The following RBFOX1 variants were observed in gnomAD, a reference collection of about 807,000 sequenced individuals.
RBFOX1 encodes the protein RNA binding fox-1 homolog 1, also known as RNA binding protein fox-1 homolog 1.
In RBFOX1, 8 loss-of-function variants were observed where a neutral mutation model predicts 57.7. That is an observed-to-expected ratio of 0.14 (90% confidence interval 0.08 to 0.25). The LOEUF (loss-of-function observed/expected upper bound fraction) is 0.25. Ranked by LOEUF, RBFOX1 falls within the 10% of genes least tolerant of loss-of-function variation. The pLI is 1.00. For missense variants in RBFOX1, 611 were observed against 548.5 expected (o/e 1.11, Z -1.14); for synonymous variants, 326 against 222.4 (o/e 1.47, Z -4.15).
At chr16:7,553,063 C>G (rs2087088847) in intron 5 of RBFOX1, among the ~76,000 whole-genome samples, 1 of 151,652 alleles carries the variant, frequency 6.6e-6, no homozygotes, top group Non-Finnish European at 1.5e-5. Flanking sequence ...GGTATGTGCT[C>G]CTTCCTTCTT....
chr16:6,298,235 G>A (rs150951838), intron 1 of RBFOX1, among the ~76,000 whole-genome samples: 40 of 152,290 alleles, frequency 2.6e-4, no homozygotes, highest in African/African-American at 8.9e-4. Context: ...CATGTCCTGC[G>A]AGGGGGTCAG....
chr16:6,237,741 A>AAAAAT (rs1260346898), intron 1 of RBFOX1, among the ~76,000 whole-genome samples: 4 of 152,098 alleles, frequency 2.6e-5, no homozygotes, highest in Non-Finnish European at 4.4e-5. Context: ...ACTCCATCTC[A>AAAAAT]AAAATAAAAC....
chr16:6,424,752 T>C (rs1055031699), intron 2 of RBFOX1, among the ~76,000 whole-genome samples: 1 of 152,140 alleles, frequency 6.6e-6, no homozygotes, highest in Admixed American at 6.5e-5. Flanking sequence ...TGGAAAGACA[T>C]GTAATAATTC....
chr16:6,881,408 G>T (rs139629225), intron 3 of RBFOX1, among the ~76,000 whole-genome samples: 77 of 152,278 alleles, frequency 5.1e-4, no homozygotes, highest in African/African-American at 1.8e-3. Flanking sequence ...CAGAATGAAG[G>T]TGTTGGCAAG....
At chr16:5,680,935 C>T (rs1016065444) in intron 3 of RBFOX1, among the ~76,000 whole-genome samples, 15 of 151,808 alleles carry the variant, frequency 9.9e-5, no homozygotes, top group Admixed American at 2.6e-4. Context: ...GGCAGGGGTG[C>T]AGCAGCTATA....
chr16:6,895,444 GTGTGTATATATATATATATATATA>G (rs1457622539), intron 3 of RBFOX1, among the ~76,000 whole-genome samples: 1 of 73,474 alleles, frequency 1.4e-5, no homozygotes, highest in African/African-American at 6.2e-5. Context: ...GTGTGTGTGT[GTGTGTATATATATATATATATATA>G]TATATATATA....
chr16:6,888,956 G>A (rs1446976840), intron 3 of RBFOX1, among the ~76,000 whole-genome samples: 1 of 152,120 alleles, frequency 6.6e-6, no homozygotes, highest in African/African-American at 2.4e-5. Flanking sequence ...CTTACTGTAG[G>A]TATGGGCAGA....
chr16:5,358,236 G>A (rs1260056039), intron 1 of RBFOX1, among the ~76,000 whole-genome samples: 1 of 151,956 alleles, frequency 6.6e-6, no homozygotes, highest in Non-Finnish European at 1.5e-5. Flanking sequence ...CCCTGTGTGA[G>A]TGTCTGTGTC....
intron 1 of RBFOX1, among the ~76,000 whole-genome samples, chr16:6,284,587 T>A (rs2076712143): frequency 6.6e-6 from 1 of 152,212 alleles, no homozygotes; most frequent in South Asian, 2.1e-4. Flanking sequence ...TTTATAGCTT[T>A]AAATACGGTG....
intron 3 of RBFOX1, 34 bp from the exon 4 acceptor site, chr16:7,052,023 C>T: frequency 6.4e-7 from 1 of 1,566,010 alleles, no homozygotes; most frequent in Non-Finnish European, 8.7e-7. Flanking sequence ...CCGGAGCCTT[C>T]TGACTTTTCC....
In RBFOX1 at chr16:7,401,545, C is replaced by G. The variant is rs574984358; in HGVS notation, c.28-116602C>G. Among the ~76,000 whole-genome samples, 6 of 152,236 alleles carry G rather than the reference C, an allele frequency of 3.9e-5. No homozygotes were observed. The East Asian group carries it at 1.2e-3, about 29-fold the overall frequency. ...AATAAAAAGATAGAAAAATAGTTAA[C>G]AATGCAAGCCTCTGGGCAGAAGAAA... is the stretch of plus-strand genomic sequence containing the variant. On this transcript the variant is annotated intron_variant, in intron 4 of 15. Transcript: ENST00000550418.
chr16:6,908,077 T>A (rs2070539655), intron 3 of RBFOX1, among the ~76,000 whole-genome samples: 1 of 151,794 alleles, frequency 6.6e-6, no homozygotes, highest in Non-Finnish European at 1.5e-5. Context: ...AGACCCCATT[T>A]CCAATAAGGT....
intron 2 of RBFOX1, among the ~76,000 whole-genome samples, chr16:6,561,425 A>C (rs949642002): frequency 4.6e-5 from 7 of 152,242 alleles, no homozygotes; most frequent in African/African-American, 1.4e-4. Context: ...AACGTGTACC[A>C]AATATGTATT....
At chr16:6,845,866 G>C (rs138870274) in intron 3 of RBFOX1, among the ~76,000 whole-genome samples, 9 of 152,202 alleles carry the variant, frequency 5.9e-5, no homozygotes, top group African/African-American at 1.7e-4. Flanking sequence ...CTTGTGTATG[G>C]CTATTCCTTC....
At chr16:5,520,601 T>C (rs2151743362) in intron 2 of RBFOX1, among the ~76,000 whole-genome samples, 1 of 152,328 alleles carries the variant, frequency 6.6e-6, no homozygotes, top group Non-Finnish European at 1.5e-5. Flanking sequence ...CATCTTGTCA[T>C]GTTGAGGGAA....
intron 4 of RBFOX1, among the ~76,000 whole-genome samples, chr16:7,149,976 A>G (rs965536056): frequency 4.6e-5 from 7 of 152,084 alleles, no homozygotes; most frequent in Non-Finnish European, 1.0e-4. Context: ...ACTTTTATGT[A>G]TGGTATTTCC....
intron 3 of RBFOX1, among the ~76,000 whole-genome samples, chr16:6,719,998 G>T (rs975832266): frequency 6.6e-6 from 1 of 151,966 alleles, no homozygotes; most frequent in Non-Finnish European, 1.5e-5. Context: ...GGAGGCTGAG[G>T]CAGGAGAATC....
chr16:7,198,820 A>G (rs1251647395), intron 4 of RBFOX1, among the ~76,000 whole-genome samples: 1 of 152,226 alleles, frequency 6.6e-6, no homozygotes, highest in African/African-American at 2.4e-5. Flanking sequence ...TAAATTTCTG[A>G]CACATGGACT....
At position 5,509,535 on chromosome 16, in the gene RBFOX1, G is replaced by A. The variant is rs1426261786; in HGVS notation, c.258+42281G>A. On this transcript the variant is annotated intron_variant, in intron 2 of 2. Transcript: ENST00000585867. ...AAAGGGGAGTGTGGAATGAGATGAA[G>A]TGGCTGGCGGCCCAGAGGGTGTAGG... is the stretch of plus-strand genomic sequence containing the variant. Among the ~76,000 whole-genome samples, 6 of 152,240 alleles carry A rather than the reference G, an allele frequency of 3.9e-5. No individual in the cohort carries two copies. The East Asian group carries it at 9.6e-4, about 24-fold the overall frequency.
Sources: allele counts gnomAD v4.1 joint callset (sites outside exome capture counted in the v4.1 genomes callset), GRCh38; gene constraint gnomAD v4.1.1; transcripts MANE v1.5; gene names NCBI Gene and HGNC (gene_info 2026-07-23, HGNC 2026-07-21).